The following KCNIP4 variants were observed in gnomAD, a reference collection of about 807,000 sequenced individuals.
KCNIP4 encodes potassium voltage-gated channel interacting protein 4.
KCNIP4 carries 12 observed loss-of-function variants against 34.0 expected under a neutral mutation model. That is an observed-to-expected ratio of 0.35 (90% CI 0.23 to 0.57). The LOEUF is 0.57. Among genes scored for constraint, KCNIP4 ranks in the 20% least tolerant of loss-of-function variants. The pLI, the probability that KCNIP4 is intolerant of heterozygous loss-of-function variation, is 0.83. For synonymous variants in KCNIP4, 124 were observed against 102.2 expected, an observed-to-expected ratio of 1.21 and a Z score of -1.29; for missense variants, 238 against 311.7, an observed-to-expected ratio of 0.76 and a Z score of 1.78.
chr4:21,933,912 T>G (rs1008060815), intron 1 of KCNIP4, among the ~76,000 whole-genome samples: 4 of 152,166 alleles, frequency 2.6e-5, no homozygotes, highest in Admixed American at 2.6e-4. Flanking sequence ...GAAAGTGCTA[T>G]GGTGTCTTTA....
At chr4:20,852,169 ACC>A (rs1721106374) in intron 2 of KCNIP4, among the ~76,000 whole-genome samples, 1 of 65,854 alleles carries the variant, frequency 1.5e-5, no homozygotes, top group East Asian at 5.5e-4. Flanking sequence ...AAATGACATA[ACC>A]AAAAGAGAAC....
chr4:20,730,484 G>A (rs1040046271), intron 8 of KCNIP4, among the ~76,000 whole-genome samples: 1 of 152,144 alleles, frequency 6.6e-6, no homozygotes, highest in African/African-American at 2.4e-5. Flanking sequence ...ATTCTATGTA[G>A]ATCACAGGCC....
intron 1 of KCNIP4, among the ~76,000 whole-genome samples, chr4:21,345,533 A>G (rs1263826743): frequency 6.6e-6 from 1 of 152,152 alleles, no homozygotes; most frequent in African/African-American, 2.4e-5. Context: ...ATCAAACCAC[A>G]TATTTAAACA....
chr4:21,269,898 T>A (rs1296420884), intron 1 of KCNIP4, among the ~76,000 whole-genome samples: 2 of 152,070 alleles, frequency 1.3e-5, no homozygotes, highest in Admixed American at 1.3e-4. Flanking sequence ...TAAGAATTGG[T>A]TTTGGTTTTG....
At chr4:21,859,937 A>G (rs1056346015) in intron 1 of KCNIP4, among the ~76,000 whole-genome samples, 58 of 152,028 alleles carry the variant, frequency 3.8e-4, no homozygotes, top group African/African-American at 1.4e-3. Context: ...ACTACTTGGG[A>G]GGCTGAGGTG....
intron 1 of KCNIP4, among the ~76,000 whole-genome samples, chr4:21,910,258 A>G (rs1412370677): frequency 6.6e-6 from 1 of 152,192 alleles, no homozygotes; most frequent in African/African-American, 2.4e-5. Context: ...ATCAGCATCA[A>G]TGCAAATGTG....
chr4:21,335,778 G>A (rs1429591746), intron 1 of KCNIP4, among the ~76,000 whole-genome samples: 1 of 152,070 alleles, frequency 6.6e-6, no homozygotes, highest in Non-Finnish European at 1.5e-5. Flanking sequence ...CAAACTAGTG[G>A]TATAGCCAGT....
intron 1 of KCNIP4, among the ~76,000 whole-genome samples, chr4:21,072,217 C>G (rs1195272600): frequency 6.6e-6 from 1 of 152,214 alleles, no homozygotes; most frequent in Non-Finnish European, 1.5e-5. Flanking sequence ...GGAATCGCCA[C>G]ACTGTCTTCC....
At chr4:21,147,939 C>CAA (rs377562727) in intron 1 of KCNIP4, among the ~76,000 whole-genome samples, 977 of 30,526 alleles carry the variant, frequency 0.032, 47 homozygotes, top group African/African-American at 0.093. Context: ...AACTCCGTCT[C>CAA]AAAAAAAAAA....
At chr4:20,897,177 C>T (rs1267933805) in intron 1 of KCNIP4, among the ~76,000 whole-genome samples, 1 of 152,132 alleles carries the variant, frequency 6.6e-6, no homozygotes, top group East Asian at 1.9e-4. Context: ...GATGACTTTC[C>T]ATATCACTAA....
intron 1 of KCNIP4, among the ~76,000 whole-genome samples, chr4:21,421,342 T>C (rs1304891353): frequency 6.6e-6 from 1 of 152,144 alleles, no homozygotes; most frequent in African/African-American, 2.4e-5. Context: ...GTAGCATTAG[T>C]CACAATAGCC....
chr4:21,242,483 AT>A (rs1315114749), intron 1 of KCNIP4, among the ~76,000 whole-genome samples: 1 of 152,064 alleles, frequency 6.6e-6, no homozygotes, highest in African/African-American at 2.4e-5. Flanking sequence ...ATTAAATGTC[AT>A]TTCTGGGTAT....
intron 1 of KCNIP4, among the ~76,000 whole-genome samples, chr4:21,286,327 C>A (rs1763119810): frequency 4.6e-5 from 7 of 152,122 alleles, no homozygotes; most frequent in Admixed American, 3.3e-4. Flanking sequence ...TATGAAGCAA[C>A]AATTGGTTGA....
intron 2 of KCNIP4, among the ~76,000 whole-genome samples, chr4:20,858,202 A>C (rs1721813598): frequency 8.2e-6 from 1 of 121,260 alleles, no homozygotes. Context: ...TGAGAGTGAA[A>C]CTCCATCTCA....
chr4:21,055,600 G>A (rs1345722664), intron 1 of KCNIP4, among the ~76,000 whole-genome samples: 1 of 152,102 alleles, frequency 6.6e-6, no homozygotes, highest in African/African-American at 2.4e-5. Flanking sequence ...AAATATAAAT[G>A]AGCTAACAAG....
At chr4:21,921,198 C>T (rs1386596207) in intron 1 of KCNIP4, among the ~76,000 whole-genome samples, 1 of 152,028 alleles carries the variant, frequency 6.6e-6, no homozygotes, top group Non-Finnish European at 1.5e-5. Flanking sequence ...GCTGTCACGC[C>T]TTCCTTCTTG....
intron 1 of KCNIP4, among the ~76,000 whole-genome samples, chr4:21,000,714 C>T (rs1738054068): frequency 6.6e-6 from 1 of 152,012 alleles, no homozygotes; most frequent in South Asian, 2.1e-4. Context: ...GATAAAATCC[C>T]ATTTAAAATG....
intron 1 of KCNIP4, among the ~76,000 whole-genome samples, chr4:21,533,626 G>A (rs1180432609): frequency 2.0e-5 from 3 of 152,066 alleles, no homozygotes; most frequent in Non-Finnish European, 4.4e-5. Context: ...GGGTAAGTAT[G>A]GATACTTAAT....
At chr4:21,276,421 C>T (rs754896514) in intron 1 of KCNIP4, among the ~76,000 whole-genome samples, 7 of 144,932 alleles carry the variant, frequency 4.8e-5, no homozygotes, top group South Asian at 2.2e-4. Context: ...AGGCTGGTCT[C>T]GAACGCTTGA....
Sources: allele counts gnomAD v4.1 joint callset (sites outside exome capture counted in the v4.1 genomes callset), GRCh38; gene constraint gnomAD v4.1.1; transcripts MANE v1.5; gene names NCBI Gene and HGNC (gene_info 2026-07-23, HGNC 2026-07-21).